Variants in FBN2 observed in about 807,000 individuals in gnomAD.
FBN2 encodes fibrillin-2.
FBN2 carries 105 observed loss-of-function variants against 355.6 expected under a neutral mutation model. The ratio of observed to expected loss-of-function variants is 0.30; its 90% CI spans 0.25 to 0.35. The LOEUF is 0.35. Ranked by LOEUF, FBN2 falls within the 10% of genes least tolerant of loss-of-function variation. The pLI is 1.00. For synonymous variants in FBN2, 1,350 were observed against 1,301.2 expected (o/e 1.04, Z -0.81); for missense variants, 3,280 against 3,758.7 (o/e 0.87, Z 3.33).
At chr5:128,268,824 A>G (rs1056810491) in intron 62 of FBN2, among the ~76,000 whole-genome samples, 1 of 152,210 alleles carries the variant, frequency 6.6e-6, no homozygotes, top group Non-Finnish European at 1.5e-5. Flanking sequence ...AAAACTCAAC[A>G]TCTCTTCATG....
intron 10 of FBN2, 133 bp downstream of exon 10, chr5:128,393,002 C>T (rs550766829): frequency 1.2e-5 from 9 of 768,438 alleles, no homozygotes; most frequent in South Asian, 4.5e-5. Flanking sequence ...CTCTCTCTCT[C>T]GCACCCACAA....
chr5:128,355,029 T>G (rs1487361637), intron 20 of FBN2, among the ~76,000 whole-genome samples: 1 of 152,088 alleles, frequency 6.6e-6, no homozygotes, highest in Non-Finnish European at 1.5e-5. Context: ...GGTGGAACAC[T>G]TCAGGTTAAA....
chr5:128,421,942 T>C (rs893716722), intron 7 of FBN2, among the ~76,000 whole-genome samples: 1 of 152,172 alleles, frequency 6.6e-6, no homozygotes, highest in Admixed American at 6.5e-5. Context: ...CTCTGTCCAA[T>C]GTAATTACAA....
At chr5:128,441,262 G>A (rs1397639835) in intron 7 of FBN2, among the ~76,000 whole-genome samples, 2 of 152,134 alleles carry the variant, frequency 1.3e-5, no homozygotes, top group African/African-American at 4.8e-5. Context: ...AAATGCAATG[G>A]GCAAAGGGAG....
chr5:128,325,708 A>G (rs542658378), intron 34 of FBN2, among the ~76,000 whole-genome samples: 167 of 152,314 alleles, frequency 1.1e-3, no homozygotes, highest in Non-Finnish European at 1.9e-3. Context: ...AACACCAATT[A>G]TACTGATGTT....
chr5:128,259,867 T>TAC, intron 64 of FBN2, 38 bp from the exon 65 acceptor site: 1 of 1,610,588 alleles, frequency 6.2e-7, no homozygotes, highest in Non-Finnish European at 8.5e-7. Context: ...GACAAGCTTC[T>TAC]ACAGCACAAG....
At chr5:128,427,711 T>C (rs773708262) in intron 7 of FBN2, among the ~76,000 whole-genome samples, 14 of 152,234 alleles carry the variant, frequency 9.2e-5, no homozygotes, top group Non-Finnish European at 1.8e-4. Context: ...ATGTATTGAC[T>C]TAGGACTTTG....
intron 21 of FBN2, 98 bp downstream of exon 21, chr5:128,350,770 T>C: frequency 1.5e-6 from 2 of 1,369,740 alleles, no homozygotes; most frequent in Admixed American, 1.7e-5. Flanking sequence ...AAATGATCTC[T>C]GACCTTCTTC....
At position 128,393,267 on chromosome 5, in the gene FBN2, T is replaced by C. The variant is rs143515269; in HGVS notation, c.1333A>G (p.Ser445Gly). 30 of 1,614,134 alleles carry C rather than the reference T, an allele frequency of 1.9e-5. No homozygotes were observed. Among genetic ancestry groups the C allele is most frequent in the Middle Eastern group, 3.3e-4 (2 of 6,062 alleles). ...GGTGGNGFAP[S>G]GNGNGYGPGG... ...GGGCCATAGCCATTGCCATTGCCAC[T>C]TGGGGCAAAGCCATTTCCCCCAGTG... Residue 445 changes from serine to glycine, a missense_variant, in exon 10 of 65, where the codon AGT (serine) becomes GGT (glycine). Around this residue, in one of 6 missense-constraint regions of FBN2, gnomAD observed 343 missense variants for 331.0 expected, o/e 1.04. Coordinates refer to ENST00000262464, the MANE Select transcript of FBN2 (RefSeq NM_001999.4).
At chr5:128,307,000 C>T in intron 42 of FBN2, 135 bp downstream of exon 42, 1 of 668,966 alleles carries the variant, frequency 1.5e-6, no homozygotes, top group East Asian at 2.6e-5. Flanking sequence ...TGTTATTTCT[C>T]TCTTATCTAA....
chr5:128,402,181 A>G (rs1752814802), intron 8 of FBN2, among the ~76,000 whole-genome samples: 1 of 152,170 alleles, frequency 6.6e-6, no homozygotes, highest in African/African-American at 2.4e-5. Context: ...TATTTGAAAT[A>G]AAAAAGAGGC....
At chr5:128,448,000 T>C (rs1754121211) in intron 6 of FBN2, among the ~76,000 whole-genome samples, 1 of 152,212 alleles carries the variant, frequency 6.6e-6, no homozygotes, top group Non-Finnish European at 1.5e-5. Context: ...CTCCTGATCA[T>C]GGGCACTTGG....
intron 55 of FBN2, among the ~76,000 whole-genome samples, chr5:128,282,384 C>T (rs1012952416): frequency 5.9e-5 from 9 of 151,944 alleles, no homozygotes. Context: ...AGGTCTGTTG[C>T]CTTGGTCTAA....
At chr5:128,381,408 A>C (rs1010652678) in intron 11 of FBN2, among the ~76,000 whole-genome samples, 1 of 152,100 alleles carries the variant, frequency 6.6e-6, no homozygotes, top group Non-Finnish European at 1.5e-5. Flanking sequence ...AAAAGTTCCC[A>C]AACAGCAATG....
chr5:128,357,080 T>C (rs1751519678), intron 20 of FBN2, among the ~76,000 whole-genome samples, 196 bp downstream of exon 20: 1 of 152,240 alleles, frequency 6.6e-6, no homozygotes, highest in South Asian at 2.1e-4. Context: ...TTCTAGAATC[T>C]AACAAAAATT....
At position 128,272,146 on chromosome 5, in the gene FBN2, T is replaced by C. The variant is rs1222348844; in HGVS notation, c.7841-28A>G. On this transcript the variant is annotated intron_variant, in intron 61 of 64. Coordinates refer to ENST00000262464, the MANE Select transcript of FBN2 (RefSeq NM_001999.4). ...GCAAAAACAAGCCCGGCAAAACCTTTATGTCACCTTTCTTCTACTATTTTT... is the reference window on the plus strand; with the variant it reads ...GCAAAAACAAGCCCGGCAAAACCTTCATGTCACCTTTCTTCTACTATTTTT... The C allele has an allele frequency of 3.7e-6, 6 of 1,613,606 alleles. No individual in the cohort carries two copies. The East Asian group carries it at 1.3e-4, about 36-fold the overall frequency.
In FBN2 at chr5:128,393,417, A is replaced by G. The variant is rs573075134; in HGVS notation, c.1232-49T>C. On this transcript the variant is annotated intron_variant, in intron 9 of 64. Coordinates refer to ENST00000262464, the MANE Select transcript of FBN2 (RefSeq NM_001999.4). Reference sequence around the variant, plus strand: ...TAAGCACAGGTGAATGTCTTTCTGCATAACAAAAGCCATTGGTACACTGTA... The same window carrying G: ...TAAGCACAGGTGAATGTCTTTCTGCGTAACAAAAGCCATTGGTACACTGTA... 4.5e-5 allele frequency: 69 copies of G among 1,520,294 alleles called. No homozygotes were observed. In the East Asian group the frequency reaches 1.5e-3, roughly 33 times the overall value. 94.2% of individuals were successfully genotyped at this position (1,520,294 alleles called of 1,614,324 possible). A position where few individuals can be genotyped will look rare whatever the true frequency, so the allele number is the denominator to read the frequency against.
chr5:128,341,132 T>C (rs1415573354), intron 25 of FBN2, among the ~76,000 whole-genome samples: 2 of 152,116 alleles, frequency 1.3e-5, no homozygotes, highest in African/African-American at 4.8e-5. Flanking sequence ...AGCCAACAAT[T>C]TTCCACAGAA....
At chr5:128,481,169 T>C (rs80299601) in intron 5 of FBN2, among the ~76,000 whole-genome samples, 16,164 of 138,522 alleles carry the variant, frequency 0.12, 1,036 homozygotes, top group African/African-American at 0.23. Flanking sequence ...CCCACATAAT[T>C]TTTACTCAGG....
Sources: gnomAD v4.1 joint callset for allele counts (sites outside exome capture counted in the v4.1 genomes callset) on GRCh38, gnomAD v4.1.1 for gene constraint, gnomAD v4.1.1 regional missense constraint, MANE v1.5 for transcripts, NCBI Gene and HGNC (gene_info 2026-07-23, HGNC 2026-07-21) for gene names.